The following SYCP1 variants were observed in gnomAD, a reference collection of about 807,000 sequenced individuals.
SYCP1 encodes the protein synaptonemal complex protein 1.
Under a neutral mutation model 153.1 loss-of-function variants are expected in SYCP1, and 64 were observed. The ratio of observed to expected loss-of-function variants is 0.42; its 90% CI spans 0.34 to 0.51. SYCP1 has a LOEUF of 0.51. SYCP1 is among the 20% of genes least tolerant of loss of function. The pLI, the probability that SYCP1 is intolerant of heterozygous loss-of-function variation, is 0.06. For synonymous variants in SYCP1, 384 were observed against 341.8 expected, an observed-to-expected ratio of 1.12 and a Z score of -1.36; for missense variants, 997 against 1,049.0, an observed-to-expected ratio of 0.95 and a Z score of 0.68.
intron 8 of SYCP1, among the ~76,000 whole-genome samples, chr1:114,871,525 A>C (rs1570668830): frequency 6.6e-6 from 1 of 152,210 alleles, no homozygotes; most frequent in South Asian, 2.1e-4. Context: ...ATAAAGCATA[A>C]ATAAGCATTT....
chr1:114,892,332 C>A (rs1209385712), intron 15 of SYCP1, among the ~76,000 whole-genome samples: 2 of 152,052 alleles, frequency 1.3e-5, no homozygotes, highest in African/African-American at 2.4e-5. Flanking sequence ...AGAGCATGTG[C>A]AAGTGTGCTG....
intron 23 of SYCP1, among the ~76,000 whole-genome samples, chr1:114,942,443 A>G (rs2101811922): frequency 6.6e-6 from 1 of 152,108 alleles, no homozygotes; most frequent in South Asian, 2.1e-4. Flanking sequence ...AAGTAGGAAA[A>G]TGTGCCCTAC....
chr1:114,865,936 T>C (rs531049747), intron 8 of SYCP1, among the ~76,000 whole-genome samples: 6 of 152,096 alleles, frequency 3.9e-5, no homozygotes, highest in South Asian at 2.1e-4. Context: ...CTACAGTACG[T>C]AGGCTTTTCA....
chr1:114,858,363 A>G (rs1219566121), intron 5 of SYCP1, among the ~76,000 whole-genome samples, 184 bp from the exon 6 acceptor site: 1 of 152,134 alleles, frequency 6.6e-6, no homozygotes, highest in African/African-American at 2.4e-5. Flanking sequence ...AATAACTTTA[A>G]TGAAGTAGTT....
intron 27 of SYCP1, among the ~76,000 whole-genome samples, chr1:114,960,231 G>A (rs1671698789): frequency 7.6e-6 from 1 of 131,906 alleles, no homozygotes; most frequent in Non-Finnish European, 1.6e-5. Flanking sequence ...GCAGTGGTGT[G>A]ATCTCGGCTC....
chr1:114,984,433 GA>G (rs1413331014), intron 29 of SYCP1, among the ~76,000 whole-genome samples: 1 of 151,964 alleles, frequency 6.6e-6, no homozygotes, highest in Non-Finnish European at 1.5e-5. Context: ...GCTGAATCTG[GA>G]GTGTGTCTGT....
intron 25 of SYCP1, among the ~76,000 whole-genome samples, chr1:114,946,046 C>G (rs1480362448): frequency 6.6e-6 from 1 of 151,834 alleles, no homozygotes; most frequent in Non-Finnish European, 1.5e-5. Context: ...ATCTTTTGCT[C>G]TTTGGTTATT....
At chr1:114,901,287 T>A (rs1667430835) in intron 16 of SYCP1, among the ~76,000 whole-genome samples, 1 of 152,056 alleles carries the variant, frequency 6.6e-6, no homozygotes, top group Non-Finnish European at 1.5e-5. Flanking sequence ...AAAAACAAGG[T>A]CCAATAAAAG....
At position 114,944,886 on chromosome 1, in the gene SYCP1, A is replaced by G. The variant is rs1360681801; in HGVS notation, c.2058A>G (p.Lys686=). The G allele has an allele frequency of 6.3e-7, 1 of 1,588,902 alleles. No individual in the cohort carries two copies. Among genetic ancestry groups the G allele is most frequent in the East Asian group, 2.3e-5 (1 of 44,370 alleles). ...ENLLEEVEKA[K]VIADEAVKLQ... ...TTATTTGATAGGTTGAGAAAGCAAA[A>G]GTAATAGCTGATGAAGCAGTAAAAT... The change falls in exon 25 of 32, where the codon AAA becomes AAG. Residue 686 remains lysine, a synonymous_variant. Coordinates refer to ENST00000369522, the MANE Select transcript of SYCP1 (RefSeq NM_003176.4).
chr1:114,868,879 G>A (rs1003004359), intron 8 of SYCP1, among the ~76,000 whole-genome samples: 16 of 152,156 alleles, frequency 1.1e-4, no homozygotes, highest in African/African-American at 3.6e-4. Flanking sequence ...CATGAGGTTT[G>A]TAGTGATGTC....
intron 8 of SYCP1, among the ~76,000 whole-genome samples, chr1:114,871,852 C>A (rs560142819): frequency 9.8e-5 from 15 of 152,318 alleles, no homozygotes; most frequent in African/African-American, 3.4e-4. Flanking sequence ...TCCCAAAGTG[C>A]TGGGATTACA....
Position 114,994,741 on chromosome 1 carries a change from A to G in SYCP1, c.2747A>G (p.Asn916Ser). The G allele has an allele frequency of 6.3e-7, 1 of 1,592,906 alleles. No individual in the cohort carries two copies. The highest frequency in any genetic ancestry group is 8.5e-7 in the Non-Finnish European group (1 of 1,173,256). The change falls in exon 31 of 32, where the codon AAC (asparagine) becomes AGC (serine). Residue 916 changes from asparagine to serine, a missense_variant. This residue lies in a region of SYCP1 where 712 missense variants were observed against 682.9 expected (regional missense o/e 1.04). Coordinates refer to ENST00000369522, the MANE Select transcript of SYCP1 (RefSeq NM_003176.4). ...EEETLKTLYRNNNPPASHLCV... is the reference protein window; with the variant it reads ...EEETLKTLYRSNNPPASHLCV... ...GAGACATTGAAAACACTGTATAGGA[A>G]CAATAATCCACCAGCTTCTCATCTT...
At chr1:114,861,268 A>G (rs553478941) in intron 8 of SYCP1, among the ~76,000 whole-genome samples, 42 of 152,164 alleles carry the variant, frequency 2.8e-4, no homozygotes, top group Non-Finnish European at 4.1e-4. Context: ...ATATTCTAAT[A>G]TGGTTGTGTT....
chr1:114,896,557 A>G (rs1188464918), intron 16 of SYCP1, among the ~76,000 whole-genome samples: 1 of 152,102 alleles, frequency 6.6e-6, no homozygotes, highest in African/African-American at 2.4e-5. Context: ...CACCCTTTAG[A>G]CTCCTTACCT....
intron 23 of SYCP1, among the ~76,000 whole-genome samples, chr1:114,942,254 TAAG>T (rs1466218528): frequency 6.6e-6 from 1 of 151,996 alleles, no homozygotes; most frequent in African/African-American, 2.4e-5. Context: ...TTTCATGGGC[TAAG>T]AAGATTACTG....
chr1:114,923,432 C>G lies in SYCP1; in HGVS notation c.1719-17C>G. ...TAATAATTTTTAGTATAATGTCACT[C>G]TTCCATTTTCTTTTAGAAATGAACT... On this transcript the variant is annotated splice_polypyrimidine_tract_variant and intron_variant, in intron 20 of 31. Coordinates refer to ENST00000369522, the MANE Select transcript of SYCP1 (RefSeq NM_003176.4). 6.4e-7 allele frequency: 1 copy of G among 1,554,924 alleles called. No individual in the cohort carries two copies. Among genetic ancestry groups the G allele is most frequent in the Non-Finnish European group, 8.7e-7 (1 of 1,145,592 alleles).
intron 23 of SYCP1, among the ~76,000 whole-genome samples, chr1:114,927,186 T>C (rs1669313521): frequency 7.5e-6 from 1 of 133,922 alleles, no homozygotes; most frequent in Non-Finnish European, 1.7e-5. Flanking sequence ...ATTAAAAATA[T>C]ATAAATGTGA....
rs71582509 is a variant in SYCP1, at chr1:114,857,136, C to CAAAAAA, written c.194-80_194-75dup. The CAAAAAA allele has an allele frequency of 1.8e-3, 448 of 244,932 alleles. 11 individuals are homozygous for CAAAAAA. Among genetic ancestry groups the CAAAAAA allele is most frequent in the Non-Finnish European group, 1.8e-3 (311 of 169,996 alleles). The allele number at this position is 244,932 out of a possible 1,614,324, so 15.2% of individuals were successfully genotyped here. A position where few individuals can be genotyped will look rare whatever the true frequency, so the allele number is the denominator to read the frequency against. On this transcript the variant is annotated intron_variant, in intron 3 of 31. Transcript: ENST00000369522. ...ATAGTGCCAGATGTCCTCTCTCTCT[C>CAAAAAA]AAAAAAAAAAAAAAAAAAAAAGAGA... is the stretch of plus-strand genomic sequence containing the variant.
At chr1:114,912,202 T>C (rs1668227792) in intron 18 of SYCP1, among the ~76,000 whole-genome samples, 5 of 151,966 alleles carry the variant, frequency 3.3e-5, no homozygotes, top group Admixed American at 2.0e-4. Context: ...TTTTCAATAG[T>C]ACTTTTTTAA....
Sources: gnomAD v4.1 joint callset for allele counts (sites outside exome capture counted in the v4.1 genomes callset) on GRCh38, gnomAD v4.1.1 for gene constraint, gnomAD v4.1.1 regional missense constraint, MANE v1.5 for transcripts, NCBI Gene and HGNC (gene_info 2026-07-23, HGNC 2026-07-21) for gene names.